Variants in GPLD1 observed in about 807,000 individuals in gnomAD.
GPLD1 encodes the protein glycosylphosphatidylinositol specific phospholipase D1, also known as phosphatidylinositol-glycan-specific phospholipase D.
In GPLD1, 84 loss-of-function variants were observed where a neutral mutation model predicts 112.6. The observed-to-expected ratio is 0.75, with a 90% CI of 0.63 to 0.89. The LOEUF (loss-of-function observed/expected upper bound fraction) is 0.89. GPLD1 is among the 40% of genes least tolerant of loss of function. The pLI, the probability that GPLD1 is intolerant of heterozygous loss-of-function variation, is 0.00. For synonymous variants in GPLD1, 386 were observed against 403.8 expected, an observed-to-expected ratio of 0.96 and a Z score of 0.53; for missense variants, 1,044 against 1,051.5, an observed-to-expected ratio of 0.99 and a Z score of 0.10.
intron 24 of GPLD1, among the ~76,000 whole-genome samples, chr6:24,430,988 T>C (rs147259909): frequency 2.0e-3 from 305 of 152,354 alleles, no homozygotes; most frequent in African/African-American, 6.8e-3. Context: ...ATATGTATAG[T>C]TTTATATAAT....
chr6:24,447,233 C>T (rs531156214), intron 17 of GPLD1, among the ~76,000 whole-genome samples: 23 of 152,256 alleles, frequency 1.5e-4, no homozygotes, highest in Admixed American at 1.1e-3. Context: ...GGGCCAGGTG[C>T]GGTGGCTCAC....
Position 24,446,852 on chromosome 6 carries a change from C to T in GPLD1, c.1806G>A (p.Trp602Ter), listed in dbSNP as rs1762925179. Residue 602 changes from tryptophan to a stop codon, truncating the protein, a stop_gained, in exon 18 of 25, where the codon TGG (tryptophan) becomes TGA (stop). Coordinates refer to ENST00000230036, the MANE Select transcript of GPLD1 (RefSeq NM_001503.4). LOFTEE classifies it high-confidence loss of function. The part of the protein sequence containing the change: ...RTLLLVGSPT[W>*]KNASRLGHLL... Reference sequence around the variant, plus strand: ...ATCAGCCTCACCTGCTGGCATTCTTCCAGGTCGGGCTCCCAACCAACAGCA... The same window carrying T: ...ATCAGCCTCACCTGCTGGCATTCTTTCAGGTCGGGCTCCCAACCAACAGCA... The T allele has an allele frequency of 6.2e-7, 1 of 1,613,552 alleles. No individual in the cohort carries two copies. Among genetic ancestry groups the T allele is most frequent in the African/African-American group, 1.3e-5 (1 of 74,902 alleles).
At chr6:24,443,334 A>G (rs1046962981) in intron 20 of GPLD1, among the ~76,000 whole-genome samples, 1 of 152,228 alleles carries the variant, frequency 6.6e-6, no homozygotes, top group Non-Finnish European at 1.5e-5. Context: ...GGAGGTAACG[A>G]TTGGTCAGCT....
At chr6:24,487,051 G>A (rs1452936972) in intron 1 of GPLD1, among the ~76,000 whole-genome samples, 1 of 152,102 alleles carries the variant, frequency 6.6e-6, no homozygotes, top group African/African-American at 2.4e-5. Context: ...CCTGGGAAGT[G>A]ACATTCAAAG....
At position 24,436,668 on chromosome 6, in the gene GPLD1, C is replaced by G. The variant is rs752623646; in HGVS notation, c.2266G>C (p.Gly756Arg). 6.2e-7 allele frequency: 1 copy of G among 1,613,814 alleles called. No homozygotes were observed. Among genetic ancestry groups the G allele is most frequent in the Non-Finnish European group, 8.5e-7 (1 of 1,179,900 alleles). The change falls in exon 22 of 25, where the codon GGC becomes CGC. Residue 756 changes from glycine to arginine, a missense_variant. Gly to Arg is a moderately radical substitution (Grantham distance 125). Coordinates refer to ENST00000230036, the MANE Select transcript of GPLD1 (RefSeq NM_001503.4). ...TTGCCATTATATACATATACTCGGCCGTCTTCTCCCCCAATCAGTCCAGAG... is the reference window on the plus strand; with the variant it reads ...TTGCCATTATATACATATACTCGGCGGTCTTCTCCCCCAATCAGTCCAGAG... ...VTSGLIGGED[G>R]RVYVYNGKET... is the part of the protein sequence containing the mutation.
At chr6:24,467,993 G>A (rs1328865523) in intron 7 of GPLD1, among the ~76,000 whole-genome samples, 4 of 151,802 alleles carry the variant, frequency 2.6e-5, no homozygotes, top group African/African-American at 9.7e-5. Flanking sequence ...CGCAACCTCC[G>A]CCTCCCGGGT....
chr6:24,458,816 T>G (rs567277854), intron 12 of GPLD1, among the ~76,000 whole-genome samples: 1 of 151,734 alleles, frequency 6.6e-6, no homozygotes, highest in South Asian at 2.1e-4. Flanking sequence ...AGGCAGAGGT[T>G]ACAGTGAGCT....
At chr6:24,494,866 C>G in intron 1 of GPLD1, 1 of 1,080,280 alleles carries the variant, frequency 9.3e-7, no homozygotes. Context: ...GCTCTGCAAC[C>G]TTCCGCCAGC....
At chr6:24,435,744 G>A (rs1172866220) in intron 22 of GPLD1, 1 of 142,784 alleles carries the variant, frequency 7.0e-6, no homozygotes, top group Non-Finnish European at 1.5e-5. Flanking sequence ...AAAATGGCTT[G>A]AACCTGGGAG....
At position 24,433,373 on chromosome 6, in the gene GPLD1, A is replaced by T. The variant is rs773690076; in HGVS notation, c.2375T>A (p.Ile792Asn). ...CPEEKAQYVL[I>N]SPEASSRFGS... ...TCAAGGGATACTTACTTCAGGAGAA[A>T]TCAATACATATTGGGCCTGAAGAAA... is the stretch of plus-strand genomic sequence containing the variant. Residue 792 changes from isoleucine (I) to asparagine (N), a missense_variant, in exon 23 of 25, where the codon ATT becomes AAT. Transcript: ENST00000230036. 1.2e-6 allele frequency: 2 copies of T among 1,608,892 alleles called. No individual in the cohort carries two copies. Among genetic ancestry groups the T allele is most frequent in the Non-Finnish European group, 1.7e-6 (2 of 1,175,384 alleles).
At chr6:24,495,092 C>A in exon 1 of GPLD1, 1 of 1,320,952 alleles carries the variant, frequency 7.6e-7, no homozygotes, top group Non-Finnish European at 9.6e-7. Flanking sequence ...GCGGCCTGGT[C>A]CCTGCCTCCG....
chr6:24,429,704 C>T (rs1020321770), intron 24 of GPLD1, among the ~76,000 whole-genome samples: 1 of 152,214 alleles, frequency 6.6e-6, no homozygotes, highest in Non-Finnish European at 1.5e-5. Flanking sequence ...TGTGCCACCA[C>T]ATCTGGCTAA....
chr6:24,492,392 G>A (rs1188808151), upstream of GPLD1, among the ~76,000 whole-genome samples: 1 of 151,654 alleles, frequency 6.6e-6, no homozygotes, highest in Non-Finnish European at 1.5e-5. Context: ...TGTACTCCCA[G>A]CTACTCTGGA....
chr6:24,493,486 AAAAC>A (rs1400221092), upstream of GPLD1, among the ~76,000 whole-genome samples: 1 of 152,132 alleles, frequency 6.6e-6, no homozygotes, highest in East Asian at 1.9e-4. Flanking sequence ...TCACAAGAAC[AAAAC>A]AAACAAAAAA....
At chr6:24,479,268 G>C (rs1764122302) in intron 3 of GPLD1, among the ~76,000 whole-genome samples, 1 of 152,146 alleles carries the variant, frequency 6.6e-6, no homozygotes, top group Admixed American at 6.5e-5. Flanking sequence ...AATACTCTCA[G>C]TCTGTAAGAG....
At chr6:24,449,064 G>C (rs564973900) in intron 15 of GPLD1, among the ~76,000 whole-genome samples, 2 of 152,088 alleles carry the variant, frequency 1.3e-5, no homozygotes, top group African/African-American at 4.8e-5. Flanking sequence ...CCAGGAGTTA[G>C]GTAATAGTTT....
At chr6:24,458,310 G>A (rs1457558584) in intron 12 of GPLD1, among the ~76,000 whole-genome samples, 3 of 152,118 alleles carry the variant, frequency 2.0e-5, no homozygotes, top group African/African-American at 7.2e-5. Context: ...CTCACTGGCA[G>A]GCCATGCATA....
At chr6:24,465,768 A>C (rs1440404140) in intron 10 of GPLD1, among the ~76,000 whole-genome samples, 2 of 152,194 alleles carry the variant, frequency 1.3e-5, no homozygotes, top group Non-Finnish European at 2.9e-5. Flanking sequence ...AAGAAAAGGA[A>C]CTGGAGGTTC....
At chr6:24,489,769 G>T (rs2080224054), upstream of GPLD1, 8 of 495,916 alleles carry the variant, frequency 1.6e-5, no homozygotes, top group African/African-American at 2.0e-5. Context: ...AATCTGAAAA[G>T]CCTTAGGCCA....
Sources: allele counts gnomAD v4.1 joint callset (sites outside exome capture counted in the v4.1 genomes callset), GRCh38; gene constraint gnomAD v4.1.1; transcripts MANE v1.5; gene names NCBI Gene and HGNC (gene_info 2026-07-23, HGNC 2026-07-21).